The following DNAI1 variants were observed in gnomAD, a reference collection of about 807,000 sequenced individuals.
The protein encoded by DNAI1 is dynein, axonemal, intermediate polypeptide 1.
DNAI1 carries 67 observed loss-of-function variants against 92.0 expected under a neutral mutation model. The observed-to-expected ratio is 0.73, with a 90% CI of 0.60 to 0.89. The LOEUF (loss-of-function observed/expected upper bound fraction) is 0.89, where lower values mean the gene tolerates loss of function less well. Among genes scored for constraint, DNAI1 ranks in the 40% least tolerant of loss-of-function variants. The probability of loss-of-function intolerance (pLI) is 0.00; values close to 1 mark genes in which losing one functional copy is unlikely to be tolerated. For synonymous variants in DNAI1, 323 were observed against 319.6 expected (o/e 1.01, Z -0.11); for missense variants, 839 against 866.6 (o/e 0.97, Z 0.40).
At chr9:34,478,180 C>T (rs571506059) in intron 1 of DNAI1, among the ~76,000 whole-genome samples, 1 of 152,202 alleles carries the variant, frequency 6.6e-6, no homozygotes, top group African/African-American at 2.4e-5. Context: ...AGCCACAGTG[C>T]CTGGCCACGA....
In DNAI1 at chr9:34,520,903, TCCCA is replaced by T; in HGVS notation, c.*148_*151del. 4 of 785,086 alleles carry T rather than the reference TCCCA, an allele frequency of 5.1e-6. No individual in the cohort carries two copies. Among genetic ancestry groups the T allele is most frequent in the African/African-American group, 1.7e-5 (1 of 58,538 alleles). 48.6% of individuals were successfully genotyped at this position (785,086 alleles called of 1,614,324 possible). On this transcript the variant is annotated 3_prime_UTR_variant, in exon 20 of 20. Coordinates refer to ENST00000242317, the MANE Select transcript of DNAI1 (RefSeq NM_012144.4). Reference sequence around the variant, plus strand: ...TCCCTTCTTGTTCTGTTCCTTAAGGTCCCAGCACCTTACCCCAGGACTTGGTCTT... The same window carrying T: ...TCCCTTCTTGTTCTGTTCCTTAAGGTGCACCTTACCCCAGGACTTGGTCTT...
chr9:34,516,444 G>T (rs1373481720), intron 18 of DNAI1, among the ~76,000 whole-genome samples: 1 of 152,188 alleles, frequency 6.6e-6, no homozygotes. Context: ...AGTTGGTAGT[G>T]GTTTGGTCTG....
chr9:34,490,542 G>A, intron 7 of DNAI1, 54 bp downstream of exon 7: 3 of 1,612,414 alleles, frequency 1.9e-6, no homozygotes, highest in South Asian at 1.1e-5. Context: ...GCCTGGCAGG[G>A]AAGAAGCAGG....
intron 2 of DNAI1, 38 bp downstream of exon 2, chr9:34,483,518 C>G (rs772440227): frequency 6.3e-7 from 1 of 1,588,400 alleles, no homozygotes; most frequent in South Asian, 1.1e-5. Context: ...CAGCAAGATG[C>G]TAATAGTGTT....
chr9:34,469,705 G>A (rs1824104311), intron 1 of DNAI1, among the ~76,000 whole-genome samples: 1 of 152,078 alleles, frequency 6.6e-6, no homozygotes, highest in Admixed American at 6.6e-5. Flanking sequence ...AGCCTCCTGA[G>A]TAGCTGGGAT....
At chr9:34,483,555 GT>G in intron 2 of DNAI1, 75 bp downstream of exon 2, 1 of 1,428,150 alleles carries the variant, frequency 7.0e-7, no homozygotes, top group Non-Finnish European at 9.7e-7. Context: ...TTATTTATGT[GT>G]TTTTAGAAAA....
chr9:34,496,558 G>A (rs1824728578), intron 9 of DNAI1, among the ~76,000 whole-genome samples: 1 of 152,206 alleles, frequency 6.6e-6, no homozygotes, highest in Non-Finnish European at 1.5e-5. Flanking sequence ...GCTGTGGGGA[G>A]GGCCTGGAAT....
chr9:34,520,552 G>T, intron 19 of DNAI1, 106 bp from the exon 20 acceptor site: 2 of 993,406 alleles, frequency 2.0e-6, no homozygotes, highest in African/African-American at 3.2e-5. Flanking sequence ...ACTGGGCAGG[G>T]GAGGGGTAGG....
intron 1 of DNAI1, 22 bp from the exon 2 acceptor site, chr9:34,483,426 C>T (rs1564030912): frequency 6.2e-7 from 1 of 1,609,278 alleles, no homozygotes; most frequent in South Asian, 1.1e-5. Flanking sequence ...GACTTACCTT[C>T]TGTTTTCTGT....
chr9:34,503,593 G>A (rs368143779), intron 12 of DNAI1, among the ~76,000 whole-genome samples: 28 of 152,318 alleles, frequency 1.8e-4, no homozygotes, highest in African/African-American at 6.7e-4. Context: ...TTTGGCAGGG[G>A]TAGGTATGTA....
rs553920843 is a variant in DNAI1, at chr9:34,513,016, A to G, written c.1490-96A>G. On this transcript the variant is annotated intron_variant, in intron 15 of 19. Transcript: ENST00000242317. ...CTGTCCTGCGCTGAGTCCTGCGCTGAGAGTGCCTGGGCTGAGCTCCTCTGC... is the reference window on the plus strand; with the variant it reads ...CTGTCCTGCGCTGAGTCCTGCGCTGGGAGTGCCTGGGCTGAGCTCCTCTGC... The G allele has an allele frequency of 3.1e-5, 31 of 985,416 alleles. No individual in the cohort carries two copies. The African/African-American group carries it at 3.3e-4, about 11-fold the overall frequency. The allele number at this position is 985,416 out of a possible 1,614,324, so 61.0% of individuals were successfully genotyped here. A position where few individuals can be genotyped will look rare whatever the true frequency, so the allele number is the denominator to read the frequency against.
intron 1 of DNAI1, among the ~76,000 whole-genome samples, chr9:34,468,187 C>T (rs1824071960): frequency 6.9e-6 from 1 of 144,568 alleles, no homozygotes; most frequent in Non-Finnish European, 1.5e-5. Flanking sequence ...AGGAAGAAGG[C>T]TTTTTTTTTT....
In DNAI1 at chr9:34,492,493, G is replaced by GAGAGATATATAT. The variant is rs1271867592; in HGVS notation, c.682-700_682-699insGAGATATATATA. ...TCCGGGGTGGGGGTGGGGATATGAA[G>GAGAGATATATAT]ATATATATATATATATATATATATA... On this transcript the variant is annotated intron_variant, in intron 8 of 19. Transcript: ENST00000242317. 1.8e-4 allele frequency among the ~76,000 whole-genome samples: 12 copies of GAGAGATATATAT among 68,258 alleles called. No homozygotes were observed. The East Asian group carries it at 2.6e-3, about 15-fold the overall frequency. The allele number at this position is 68,258 out of a possible 152,430, so 44.8% of individuals were successfully genotyped here.
intron 13 of DNAI1, among the ~76,000 whole-genome samples, chr9:34,508,070 G>T (rs946116374): frequency 1.3e-5 from 2 of 152,212 alleles, no homozygotes; most frequent in African/African-American, 4.8e-5. Flanking sequence ...CCATGGGCAG[G>T]ACTGGGAGGA....
At chr9:34,516,893 C>T (rs1416833439) in intron 18 of DNAI1, among the ~76,000 whole-genome samples, 1 of 151,912 alleles carries the variant, frequency 6.6e-6, no homozygotes, top group Admixed American at 6.6e-5. Flanking sequence ...GCATGCACCA[C>T]CACGCCCATC....
chr9:34,491,968 C>T (rs551830042), intron 8 of DNAI1, among the ~76,000 whole-genome samples: 1 of 152,306 alleles, frequency 6.6e-6, no homozygotes, highest in Non-Finnish European at 1.5e-5. Flanking sequence ...CCCCCCTCCT[C>T]CCCCTTCAAG....
Position 34,513,200 on chromosome 9 carries a change from G to GC in DNAI1, c.1569+12dup, listed in dbSNP as rs1278322224. Reference sequence around the variant, plus strand: ...AGGGAAAAATCTACAAGGTGAGGCTGCCCTGTGCCAGCTCCTTAGAAGGCC... The same window carrying GC: ...AGGGAAAAATCTACAAGGTGAGGCTGCCCCTGTGCCAGCTCCTTAGAAGGCC... On this transcript the variant is annotated intron_variant, in intron 16 of 19. Coordinates refer to ENST00000242317, the MANE Select transcript of DNAI1 (RefSeq NM_012144.4). 10 of 1,611,836 alleles carry GC rather than the reference G, an allele frequency of 6.2e-6. No homozygotes were observed. The highest frequency in any genetic ancestry group is 8.5e-6 in the Non-Finnish European group (10 of 1,177,978).
At chr9:34,517,104 C>T (rs1019792059) in intron 18 of DNAI1, among the ~76,000 whole-genome samples, 181 bp from the exon 19 acceptor site, 3 of 152,138 alleles carry the variant, frequency 2.0e-5, no homozygotes, top group African/African-American at 7.2e-5. Flanking sequence ...TTTTAATTCT[C>T]ACTCTTTCAA....
rs376830478 is a variant in DNAI1, at chr9:34,506,711, A to T, written c.1148A>T (p.Asn383Ile). 3 of 1,614,090 alleles carry T rather than the reference A, an allele frequency of 1.9e-6. No homozygotes were observed. Among genetic ancestry groups the T allele is most frequent in the Non-Finnish European group, 2.5e-6 (3 of 1,180,050 alleles). Residue 383 changes from asparagine to isoleucine, a missense_variant, in exon 13 of 20, where the codon AAC (asparagine) becomes ATC (isoleucine). By Grantham distance (149) the Asn-to-Ile change is moderately radical (BLOSUM62 -3). Transcript: ENST00000242317. Reference sequence around the variant, plus strand: ...TTCCCTGAGTACATGTTCAGCAGCAACAGCGGCGTCATGTGTCTCGACATC... The same window carrying T: ...TTCCCTGAGTACATGTTCAGCAGCATCAGCGGCGTCATGTGTCTCGACATC... ...PSFPEYMFSS[N>I]SGVMCLDIHV...
Sources: gnomAD v4.1 joint callset for allele counts (sites outside exome capture counted in the v4.1 genomes callset) on GRCh38, gnomAD v4.1.1 for gene constraint, MANE v1.5 for transcripts, NCBI Gene and HGNC (gene_info 2026-07-23, HGNC 2026-07-21) for gene names.